CHURC1: variants seen among roughly 807,000 people sequenced by gnomAD.
The protein encoded by CHURC1 is protein Churchill.
A neutral mutation model predicts 15.4 loss-of-function variants in CHURC1; 12 were observed. The observed-to-expected ratio is 0.78, with a 90% confidence interval of 0.50 to 1.27. CHURC1 has a LOEUF of 1.27. Ranked by LOEUF, CHURC1 falls within the 50% of genes most tolerant of loss-of-function variation. The pLI is 0.00. For synonymous variants in CHURC1, 42 were observed against 47.5 expected, an observed-to-expected ratio of 0.88 and a Z score of 0.48; for missense variants, 132 against 137.8, an observed-to-expected ratio of 0.96 and a Z score of 0.21.
Position 64,933,930 on chromosome 14 carries a change from A to C in CHURC1, c.*1700A>C. 1 of 985,394 alleles carries C rather than the reference A, an allele frequency of 1.0e-6. No individual in the cohort carries two copies. Among genetic ancestry groups the C allele is most frequent in the Non-Finnish European group, 1.2e-6 (1 of 829,882 alleles). 61.0% of individuals were successfully genotyped at this position (985,394 alleles called of 1,614,324 possible). A position where few individuals can be genotyped will look rare whatever the true frequency, so the allele number is the denominator to read the frequency against. On this transcript the variant is annotated 3_prime_UTR_variant, in exon 4 of 4. Coordinates refer to ENST00000549115, the MANE Select transcript of CHURC1 (RefSeq NM_001386928.1). ...CAAATTCATAAGGTAGGTGCTATTG[A>C]TAGTTTAGCCATAACCAGATATGGC...
At chr14:64,927,176 A>G (rs1884768835) in intron 3 of CHURC1, among the ~76,000 whole-genome samples, 1 of 152,242 alleles carries the variant, frequency 6.6e-6, no homozygotes, top group African/African-American at 2.4e-5. Flanking sequence ...TTAGCATGGA[A>G]GAAAGTGCTT....
chr14:64,920,047 T>C (rs1339546877), intron 1 of CHURC1, among the ~76,000 whole-genome samples: 2 of 152,156 alleles, frequency 1.3e-5, no homozygotes, highest in East Asian at 3.8e-4. Context: ...AACCGTATTT[T>C]CCATTTTTAA....
At chr14:64,915,121 C>T (rs1883776700) in intron 1 of CHURC1, among the ~76,000 whole-genome samples, 1 of 152,182 alleles carries the variant, frequency 6.6e-6, no homozygotes, top group African/African-American at 2.4e-5. Flanking sequence ...CCTTGTTGAA[C>T]ATTTATATAT....
chr14:64,923,711 A>G (rs61636414), intron 1 of CHURC1, among the ~76,000 whole-genome samples: 1,610 of 146,198 alleles, frequency 0.011, 45 homozygotes, highest in East Asian at 0.064. Context: ...CTAAATATCT[A>G]TTTTCAGTTT....
Position 64,934,390 on chromosome 14 carries a change from A to T in CHURC1, c.*2160A>T, listed in dbSNP as rs1885231705. On this transcript the variant is annotated 3_prime_UTR_variant, in exon 4 of 4. Coordinates refer to ENST00000549115, the MANE Select transcript of CHURC1 (RefSeq NM_001386928.1). ...AAAACAACAACAAAAAAAGAAGTTAAATAACTTGTTTAAGATCACACAGCT... is the reference window on the plus strand; with the variant it reads ...AAAACAACAACAAAAAAAGAAGTTATATAACTTGTTTAAGATCACACAGCT... The T allele has an allele frequency of 1.0e-6, 1 of 966,978 alleles. No individual in the cohort carries two copies. The highest frequency in any genetic ancestry group is 1.2e-6 in the Non-Finnish European group (1 of 813,278). 59.9% of individuals were successfully genotyped at this position (966,978 alleles called of 1,614,324 possible). A position where few individuals can be genotyped will look rare whatever the true frequency, so the allele number is the denominator to read the frequency against.
chr14:64,917,092 C>A (rs1883943924), intron 1 of CHURC1, among the ~76,000 whole-genome samples: 2 of 152,102 alleles, frequency 1.3e-5, no homozygotes, highest in South Asian at 4.1e-4. Context: ...ATTTGAGGAG[C>A]CATGGCAACA....
chr14:64,918,357 T>G (rs1222118516), intron 1 of CHURC1, among the ~76,000 whole-genome samples: 2 of 152,222 alleles, frequency 1.3e-5, no homozygotes, highest in African/African-American at 4.8e-5. Context: ...TGAGTAACTC[T>G]TAAAGGAATT....
chr14:64,919,637 C>T (rs1478821850), intron 1 of CHURC1, among the ~76,000 whole-genome samples: 2 of 152,072 alleles, frequency 1.3e-5, no homozygotes, highest in East Asian at 3.9e-4. Context: ...AATCCCAGGA[C>T]CTTCGGAGGC....
chr14:64,935,308 C>G lies in CHURC1; in HGVS notation c.*3078C>G. On this transcript the variant is annotated 3_prime_UTR_variant, in exon 4 of 4. Coordinates refer to ENST00000549115, the MANE Select transcript of CHURC1 (RefSeq NM_001386928.1). ...ATGTAACTAACCTGCACATCGTGCACATGTACCCTAAAACTTAAAGTATAA... is the reference window on the plus strand; with the variant it reads ...ATGTAACTAACCTGCACATCGTGCAGATGTACCCTAAAACTTAAAGTATAA... 5.8e-6 allele frequency: 4 copies of G among 694,326 alleles called. No homozygotes were observed. Among genetic ancestry groups the G allele is most frequent in the Non-Finnish European group, 7.1e-6 (4 of 564,890 alleles). The allele number at this position is 694,326 out of a possible 1,614,324, so 43.0% of individuals were successfully genotyped here. A position where few individuals can be genotyped will look rare whatever the true frequency, so the allele number is the denominator to read the frequency against.
intron 1 of CHURC1, among the ~76,000 whole-genome samples, chr14:64,916,961 G>C (rs1455421134): frequency 6.6e-6 from 1 of 152,142 alleles, no homozygotes; most frequent in Admixed American, 6.5e-5. Flanking sequence ...TAGGCATTGG[G>C]CCACCATCAA....
chr14:64,929,998 A>G (rs991749985), intron 3 of CHURC1, among the ~76,000 whole-genome samples: 4 of 151,704 alleles, frequency 2.6e-5, no homozygotes, highest in African/African-American at 9.7e-5. Flanking sequence ...GACAGAAACT[A>G]TGAGACTGCT....
intron 3 of CHURC1, chr14:64,930,714 T>C (rs1490092603): frequency 2.5e-6 from 1 of 400,030 alleles, no homozygotes; most frequent in African/African-American, 2.1e-5. Flanking sequence ...ATGGCTAGAT[T>C]GGTTGAAAAC....
intron 1 of CHURC1, among the ~76,000 whole-genome samples, chr14:64,922,099 A>C (rs1167300475): frequency 6.6e-6 from 1 of 152,130 alleles, no homozygotes; most frequent in Non-Finnish European, 1.5e-5. Context: ...CTGGGGTGGG[A>C]TGGAGGTTAG....
chr14:64,917,734 G>A (rs866849053), intron 1 of CHURC1, among the ~76,000 whole-genome samples: 20 of 152,000 alleles, frequency 1.3e-4, no homozygotes, highest in Middle Eastern at 3.4e-3. Context: ...AAAAAAAAAA[G>A]AATTAACAAG....
At chr14:64,917,951 A>C (rs1028249951) in intron 1 of CHURC1, among the ~76,000 whole-genome samples, 1 of 152,234 alleles carries the variant, frequency 6.6e-6, no homozygotes, top group Non-Finnish European at 1.5e-5. Context: ...CCGAAGGGTC[A>C]AGTGAAGATA....
rs925394400 is a variant in CHURC1, at chr14:64,927,720, C to G, written c.246+1640C>G. On this transcript the variant is annotated intron_variant, in intron 3 of 3. Transcript: ENST00000549115. The stretch of plus-strand genomic sequence containing the variant: ...TCCCAGTCTACTTCTCCCCCCACCC[C>G]CCCCCCCGCCGTCAATTCATACTCC... 2.6e-4 allele frequency among the ~76,000 whole-genome samples: 29 copies of G among 111,188 alleles called. No homozygotes were observed. The South Asian group carries it at 0.011, about 41-fold the overall frequency. The allele number at this position is 111,188 out of a possible 152,430, so 72.9% of individuals were successfully genotyped here. A position where few individuals can be genotyped will look rare whatever the true frequency, so the allele number is the denominator to read the frequency against.
chr14:64,932,667 G>GA lies in CHURC1; in HGVS notation c.*438dup. Reference sequence around the variant, plus strand: ...AAAAAAAAAAAATCATAGTGATTGGGAGTATGTCAGCATGATCGAACTGAA... The same window carrying GA: ...AAAAAAAAAAAATCATAGTGATTGGGAAGTATGTCAGCATGATCGAACTGAA... On this transcript the variant is annotated 3_prime_UTR_variant, in exon 4 of 4. Coordinates refer to ENST00000549115, the MANE Select transcript of CHURC1 (RefSeq NM_001386928.1). The GA allele has an allele frequency of 6.0e-6, 1 of 165,368 alleles. No homozygotes were observed. The highest frequency in any genetic ancestry group is 1.3e-5 in the Non-Finnish European group (1 of 79,874). The allele number at this position is 165,368 out of a possible 1,614,324, so 10.2% of individuals were successfully genotyped here.
At position 64,932,520 on chromosome 14, in the gene CHURC1, T is replaced by G. The variant is rs1885136574; in HGVS notation, c.*290T>G. The G allele has an allele frequency of 1.8e-6, 2 of 1,083,320 alleles. No individual in the cohort carries two copies. The highest frequency in any genetic ancestry group is 9.4e-5 in the Admixed American group (2 of 21,282). 67.1% of individuals were successfully genotyped at this position (1,083,320 alleles called of 1,614,324 possible). A position where few individuals can be genotyped will look rare whatever the true frequency, so the allele number is the denominator to read the frequency against. On this transcript the variant is annotated 3_prime_UTR_variant, in exon 4 of 4. Coordinates refer to ENST00000549115, the MANE Select transcript of CHURC1 (RefSeq NM_001386928.1). ...TGGGAGCACACCTGGTGCCCAGATT[T>G]TGGTTTCCAATAAAAGGAACCAGGA...
intron 1 of CHURC1, among the ~76,000 whole-genome samples, chr14:64,915,053 A>G (rs534168765): frequency 1.7e-4 from 26 of 152,222 alleles, no homozygotes; most frequent in Non-Finnish European, 2.6e-4. Context: ...TCTGAATCTC[A>G]GTTACTTTCA....
Sources: gnomAD v4.1 joint callset for allele counts (sites outside exome capture counted in the v4.1 genomes callset) on GRCh38, gnomAD v4.1.1 for gene constraint, MANE v1.5 for transcripts, NCBI Gene and HGNC (gene_info 2026-07-23, HGNC 2026-07-21) for gene names.